The following SI variants were observed in gnomAD, a reference collection of about 807,000 sequenced individuals.
SI encodes the protein sucrase-isomaltase, also known as sucrase-isomaltase, intestinal.
Under a neutral mutation model 253.3 loss-of-function variants are expected in SI, and 235 were observed. That is an observed-to-expected ratio of 0.93 (90% CI 0.83 to 1.03). SI has a LOEUF of 1.03. Among genes scored for constraint, SI ranks in the 50% least tolerant of loss-of-function variants. The pLI, the probability that SI is intolerant of heterozygous loss-of-function variation, is 0.00. For synonymous variants in SI, 819 were observed against 712.0 expected, an observed-to-expected ratio of 1.15 and a Z score of -2.39; for missense variants, 2,442 against 2,211.1, an observed-to-expected ratio of 1.10 and a Z score of -2.09.
At chr3:165,076,975 T>C (rs890616114) in intron 1 of SI, among the ~76,000 whole-genome samples, 7 of 147,098 alleles carry the variant, frequency 4.8e-5, no homozygotes, top group African/African-American at 1.8e-4. Context: ...AAAATCACGG[T>C]TTGTTTTTTT....
chr3:165,050,517 C>G (rs990228945), intron 13 of SI, among the ~76,000 whole-genome samples: 7 of 152,004 alleles, frequency 4.6e-5, no homozygotes, highest in African/African-American at 1.7e-4. Context: ...TAACATAGGC[C>G]CCAATCTTGT....
At chr3:164,994,886 G>A (rs1256995454) in intron 40 of SI, among the ~76,000 whole-genome samples, 3 of 151,608 alleles carry the variant, frequency 2.0e-5, no homozygotes, top group African/African-American at 7.3e-5. Flanking sequence ...CAGATAGAAG[G>A]GAAGGCATAA....
At position 164,982,418 on chromosome 3, in the gene SI, T is replaced by C. The variant is rs1717233503; in HGVS notation, c.5248-8A>G. ...AGTGCTTGTTAAGGTGGTCTATAAA[T>C]AAAGAAAAAGGAATAACATAAACAC... On this transcript the variant is annotated splice_region_variant and splice_polypyrimidine_tract_variant and intron_variant, in intron 46 of 47. Transcript: ENST00000264382. 6.3e-7 allele frequency: 1 copy of C among 1,598,500 alleles called. No individual in the cohort carries two copies. Among genetic ancestry groups the C allele is most frequent in the Non-Finnish European group, 8.6e-7 (1 of 1,167,234 alleles).
intron 25 of SI, 151 bp downstream of exon 25, chr3:165,030,561 T>TGCC (rs1712175475): frequency 1.3e-6 from 1 of 762,450 alleles, no homozygotes; most frequent in African/African-American, 1.8e-5. Context: ...AAAAGTGAAT[T>TGCC]GCCTGTCAGA....
chr3:165,043,114 A>C lies in SI; in HGVS notation c.1949T>G (p.Met650Arg). Residue 650 changes from methionine to arginine, a missense_variant, in exon 17 of 48, where the codon ATG becomes AGG. Physicochemically the swap from Met to Arg is moderately conservative, Grantham distance 91. Coordinates refer to ENST00000264382, the MANE Select transcript of SI (RefSeq NM_001041.4). ...AAATGGATAAAATGCCCCAAGTTGC[A>C]TCCATCTTCTGCAAAGTTCTTCTGT... Reference protein sequence around the residue: ...ETTEELCRRWMQLGAFYPFSR... With the variant: ...ETTEELCRRWRQLGAFYPFSR... The C allele has an allele frequency of 1.2e-6, 2 of 1,612,848 alleles. No individual in the cohort carries two copies. Among genetic ancestry groups the C allele is most frequent in the Non-Finnish European group, 1.7e-6 (2 of 1,179,278 alleles).
intron 22 of SI, among the ~76,000 whole-genome samples, chr3:165,034,680 TTG>T (rs376200171): frequency 1.3e-5 from 2 of 150,082 alleles, no homozygotes; most frequent in Non-Finnish European, 3.0e-5. Flanking sequence ...GATAATGTGT[TTG>T]TGTGTGTGTG....
At chr3:165,061,304 G>T (rs1713973858) in intron 9 of SI, among the ~76,000 whole-genome samples, 1 of 151,722 alleles carries the variant, frequency 6.6e-6, no homozygotes, top group Non-Finnish European at 1.5e-5. Flanking sequence ...GAATATCAGA[G>T]TGTTGTTTCT....
At chr3:165,019,919 T>A in intron 27 of SI, 149 bp from the exon 28 acceptor site, 1 of 737,868 alleles carries the variant, frequency 1.4e-6, no homozygotes, top group South Asian at 1.6e-5. Context: ...TGGAAATAGA[T>A]GATTAATCTA....
upstream of SI, among the ~76,000 whole-genome samples, chr3:165,079,181 G>A (rs1715190506): frequency 1.3e-5 from 2 of 151,558 alleles, no homozygotes; most frequent in South Asian, 2.1e-4. Flanking sequence ...ATGTTTAAAA[G>A]CAATGGATTT....
intron 12 of SI, among the ~76,000 whole-genome samples, chr3:165,056,306 T>G (rs1713691608): frequency 6.6e-6 from 1 of 152,088 alleles, no homozygotes; most frequent in Admixed American, 6.6e-5. Context: ...TTAAGTTGGA[T>G]GAATGTGATA....
chr3:165,004,477 A>C (rs897949079), intron 37 of SI, among the ~76,000 whole-genome samples: 1 of 152,138 alleles, frequency 6.6e-6, no homozygotes, highest in Non-Finnish European at 1.5e-5. Flanking sequence ...ATATATCAAA[A>C]AGATATCTGC....
intron 37 of SI, among the ~76,000 whole-genome samples, chr3:165,000,521 A>G (rs1718208551): frequency 6.6e-6 from 1 of 151,524 alleles, no homozygotes; most frequent in African/African-American, 2.4e-5. Flanking sequence ...CACACTGTAT[A>G]ATGTATGAAA....
intron 28 of SI, among the ~76,000 whole-genome samples, chr3:165,018,663 T>C (rs1719159386): frequency 6.6e-6 from 1 of 151,286 alleles, no homozygotes; most frequent in African/African-American, 2.4e-5. Context: ...AAATTACCAG[T>C]GAAATAGATT....
At chr3:165,041,570 AC>A (rs1712838105) in intron 17 of SI, among the ~76,000 whole-genome samples, 1 of 152,026 alleles carries the variant, frequency 6.6e-6, no homozygotes, top group Non-Finnish European at 1.5e-5. Flanking sequence ...CTAAGGACTT[AC>A]TGTCTTATCC....
At chr3:165,075,854 A>G (rs1224831103) in intron 2 of SI, 41 bp downstream of exon 2, 2 of 1,185,442 alleles carry the variant, frequency 1.7e-6, no homozygotes, top group Non-Finnish European at 1.3e-6. Flanking sequence ...CTTCCTCCTA[A>G]CTTCACGATA....
chr3:165,065,458 T>G, intron 6 of SI, 26 bp from the exon 7 acceptor site: 1 of 604,556 alleles, frequency 1.7e-6, no homozygotes, highest in South Asian at 2.1e-5. Context: ...AATAAAGAAA[T>G]AATCTAATAT....
chr3:165,017,915 T>A, intron 29 of SI, 42 bp from the exon 30 acceptor site: 1 of 1,574,540 alleles, frequency 6.4e-7, no homozygotes, highest in Non-Finnish European at 8.7e-7. Context: ...CTATGTATAC[T>A]AGTTTATGAA....
rs1454890534 is a variant in SI at position 165,015,973 on chromosome 3, T to C, written c.3867A>G (p.Gly1289=). 1 of 1,611,018 alleles carries C rather than the reference T, an allele frequency of 6.2e-7. No individual in the cohort carries two copies. Among genetic ancestry groups the C allele is most frequent in the Admixed American group, 1.7e-5 (1 of 59,984 alleles). ...PQFVDKIRGE[G]MRYIIILDPA... ...TGACCAGGATAATAATGTATCTCATTCCTTCTCCTCTTATTTTGTCAACAA... is the reference window on the plus strand; with the variant it reads ...TGACCAGGATAATAATGTATCTCATCCCTTCTCCTCTTATTTTGTCAACAA... The change falls in exon 32 of 48, where the codon GGA becomes GGG. Residue 1289 remains glycine, a synonymous_variant. Coordinates refer to ENST00000264382, the MANE Select transcript of SI (RefSeq NM_001041.4).
chr3:165,070,709 A>G (rs1485093027), intron 3 of SI, among the ~76,000 whole-genome samples: 1 of 152,102 alleles, frequency 6.6e-6, no homozygotes, highest in Non-Finnish European at 1.5e-5. Flanking sequence ...CACAATTTAC[A>G]TAATTAAAAA....
Sources: gnomAD v4.1 joint callset for allele counts (sites outside exome capture counted in the v4.1 genomes callset) on GRCh38, gnomAD v4.1.1 for gene constraint, MANE v1.5 for transcripts, NCBI Gene and HGNC (gene_info 2026-07-23, HGNC 2026-07-21) for gene names.